UBE2G1: variants seen among roughly 807,000 people sequenced by gnomAD.
UBE2G1 encodes the protein ubiquitin-conjugating enzyme E2 G1.
UBE2G1 carries 5 observed loss-of-function variants against 22.7 expected under a neutral mutation model. That is an observed-to-expected ratio of 0.22 (90% confidence interval 0.12 to 0.46). The LOEUF (loss-of-function observed/expected upper bound fraction) is 0.46, where lower values mean the gene tolerates loss of function less well. Among genes scored for constraint, UBE2G1 ranks in the 20% least tolerant of loss-of-function variants. The probability of loss-of-function intolerance (pLI) is 0.99; values close to 1 mark genes in which losing one functional copy is unlikely to be tolerated. For synonymous variants in UBE2G1, 74 were observed against 67.5 expected (o/e 1.10, Z -0.47); for missense variants, 88 against 203.9 (o/e 0.43, Z 3.46).
intron 1 of UBE2G1, chr17:4,364,037 G>A (rs1171043040): frequency 6.7e-6 from 1 of 150,264 alleles, no homozygotes; most frequent in Non-Finnish European, 1.5e-5. Flanking sequence ...GGCCCAGGCA[G>A]GCGGATCACC....
At chr17:4,300,926 C>T (rs570712047) in intron 2 of UBE2G1, among the ~76,000 whole-genome samples, 1 of 145,944 alleles carries the variant, frequency 6.9e-6, no homozygotes, top group Admixed American at 6.8e-5. Flanking sequence ...GAGTCAGACT[C>T]TGTTTTCAAA....
chr17:4,299,372 G>A (rs889602582), intron 2 of UBE2G1, among the ~76,000 whole-genome samples: 8 of 151,982 alleles, frequency 5.3e-5, no homozygotes, highest in East Asian at 1.9e-4. Flanking sequence ...GCACTCCAGC[G>A]TGGGTGCCAG....
intron 1 of UBE2G1, 57 bp from the exon 2 acceptor site, chr17:4,307,180 G>A: frequency 7.1e-7 from 1 of 1,408,218 alleles, no homozygotes; most frequent in African/African-American, 1.4e-5. Context: ...GCATCCAGTA[G>A]ATAAATTACA....
intron 1 of UBE2G1, among the ~76,000 whole-genome samples, chr17:4,326,564 C>T (rs1174838388): frequency 5.9e-5 from 9 of 152,272 alleles, no homozygotes; most frequent in African/African-American, 2.2e-4. Flanking sequence ...ACCATATGAT[C>T]CAGCAATTTC....
rs77066135 is a variant in UBE2G1, at chr17:4,311,904, T to C, written c.47-4781A>G. On this transcript the variant is annotated intron_variant, in intron 1 of 5. Coordinates refer to ENST00000396981, the MANE Select transcript of UBE2G1 (RefSeq NM_003342.5). ...GTCAAGAGAGGGGAGGAAATGGTGA[T>C]GGGCTTGGTATTAAATGCCTTTTGT... 6.3e-3 allele frequency among the ~76,000 whole-genome samples: 963 copies of C among 152,250 alleles called. 9 individuals are homozygous for C. Among genetic ancestry groups the C allele is most frequent in the African/African-American group, 0.022 (929 of 41,558 alleles).
intron 1 of UBE2G1, among the ~76,000 whole-genome samples, chr17:4,336,035 A>G (rs1969641692): frequency 6.6e-6 from 1 of 151,974 alleles, no homozygotes; most frequent in East Asian, 1.9e-4. Context: ...AATTCCAGCT[A>G]CTCGGGAGGC....
In UBE2G1 at chr17:4,340,528, G is replaced by T. The variant is rs527983369; in HGVS notation, c.46+25743C>A. The stretch of plus-strand genomic sequence containing the variant: ...ATTCACCCATGCTGTTCTCGTGATA[G>T]TGAGTTCTCACGAGATCTGATGGTT... On this transcript the variant is annotated intron_variant, in intron 1 of 5. Transcript: ENST00000396981. 1.4e-3 allele frequency among the ~76,000 whole-genome samples: 211 copies of T among 152,226 alleles called. 1 individual carries two copies. Among genetic ancestry groups the T allele is most frequent in the African/African-American group, 4.8e-3 (198 of 41,536 alleles).
At chr17:4,330,075 A>G (rs1969553086) in intron 1 of UBE2G1, among the ~76,000 whole-genome samples, 1 of 152,048 alleles carries the variant, frequency 6.6e-6, no homozygotes. Context: ...GTATGACGTA[A>G]AAGACTAGTT....
At chr17:4,293,849 A>C (rs1480360743) in intron 3 of UBE2G1, among the ~76,000 whole-genome samples, 3 of 152,354 alleles carry the variant, frequency 2.0e-5, no homozygotes, top group South Asian at 2.1e-4. Flanking sequence ...CCCTTCCTGC[A>C]ACACTATTCT....
intron 2 of UBE2G1, chr17:4,301,254 T>C (rs1969175579): frequency 5.3e-6 from 2 of 378,580 alleles, no homozygotes; most frequent in Non-Finnish European, 1.0e-5. Context: ...CATAGTCATG[T>C]GATCACTGAC....
At chr17:4,359,220 T>C (rs1049361034) in intron 1 of UBE2G1, among the ~76,000 whole-genome samples, 124 of 152,202 alleles carry the variant, frequency 8.1e-4, no homozygotes, top group African/African-American at 2.8e-3. Context: ...AAAGCAGTCT[T>C]GTTTTACAAG....
intron 1 of UBE2G1, among the ~76,000 whole-genome samples, chr17:4,310,629 G>A (rs1969298855): frequency 6.6e-6 from 1 of 152,130 alleles, no homozygotes; most frequent in Non-Finnish European, 1.5e-5. Flanking sequence ...TTTATCCAGA[G>A]GGCAATGATA....
intron 1 of UBE2G1, among the ~76,000 whole-genome samples, chr17:4,359,964 T>C (rs1225135482): frequency 6.6e-6 from 1 of 152,152 alleles, no homozygotes; most frequent in Non-Finnish European, 1.5e-5. Flanking sequence ...CATTTAAATA[T>C]CTTATTTCCT....
intron 1 of UBE2G1, among the ~76,000 whole-genome samples, chr17:4,355,568 G>A (rs550562246): frequency 3.4e-4 from 50 of 148,168 alleles, no homozygotes; most frequent in Non-Finnish European, 5.4e-4. Flanking sequence ...CTTGAACCTG[G>A]GAGGCCGAGG....
chr17:4,328,325 A>G (rs1969525264), intron 1 of UBE2G1, among the ~76,000 whole-genome samples: 1 of 152,212 alleles, frequency 6.6e-6, no homozygotes, highest in Admixed American at 6.5e-5. Context: ...CAAGGTGTAT[A>G]TTGTTTTATG....
At chr17:4,321,510 G>A (rs1392865167) in intron 1 of UBE2G1, among the ~76,000 whole-genome samples, 2 of 150,956 alleles carry the variant, frequency 1.3e-5, no homozygotes, top group African/African-American at 4.9e-5. Context: ...TTCTTTTTTT[G>A]GAGACAGAGT....
At chr17:4,354,976 T>C (rs1969889443) in intron 1 of UBE2G1, among the ~76,000 whole-genome samples, 1 of 151,630 alleles carries the variant, frequency 6.6e-6, no homozygotes, top group East Asian at 1.9e-4. Context: ...ATGCCTATAG[T>C]CCCAGCTATA....
At chr17:4,315,927 C>T (rs1342733933) in intron 1 of UBE2G1, among the ~76,000 whole-genome samples, 2 of 149,278 alleles carry the variant, frequency 1.3e-5, no homozygotes, top group South Asian at 2.2e-4. Flanking sequence ...CTGCCTCAGC[C>T]TCTCCGAGTA....
chr17:4,363,542 A>G (rs1158222949), intron 1 of UBE2G1, among the ~76,000 whole-genome samples: 1 of 152,196 alleles, frequency 6.6e-6, no homozygotes, highest in Non-Finnish European at 1.5e-5. Context: ...CTGGTTCACA[A>G]ACGGATAGGA....
Sources: allele counts gnomAD v4.1 joint callset (sites outside exome capture counted in the v4.1 genomes callset), GRCh38; gene constraint gnomAD v4.1.1; transcripts MANE v1.5; gene names NCBI Gene and HGNC (gene_info 2026-07-23, HGNC 2026-07-21).